Variants in PCDH11X observed in about 807,000 individuals in gnomAD.
PCDH11X encodes the protein protocadherin-11 X-linked.
PCDH11X carries 18 observed loss-of-function variants against 53.3 expected under a neutral mutation model. That is an observed-to-expected ratio of 0.34 (90% CI 0.23 to 0.50). The LOEUF (loss-of-function observed/expected upper bound fraction) is 0.50, where lower values mean the gene tolerates loss of function less well. PCDH11X is among the 20% of genes least tolerant of loss of function. The pLI is 0.98. For synonymous variants in PCDH11X, 279 were observed against 393.3 expected, an observed-to-expected ratio of 0.71 and a Z score of 3.44; for missense variants, 570 against 1,032.4, an observed-to-expected ratio of 0.55 and a Z score of 6.14.
chrX:92,505,152 C>CTTTTTTTTTTTTTTTTTTTTTTTTTT (rs58620449), intron 10 of PCDH11X, among the ~76,000 whole-genome samples: 2 of 64,274 alleles, frequency 3.1e-5, no homozygotes, highest in Admixed American at 1.9e-4. Flanking sequence ...TTTCTTTTTT[C>CTTTTTTTTTTTTTTTTTTTTTTTTTT]TTTTTTTTTT....
intron 6 of PCDH11X, among the ~76,000 whole-genome samples, chrX:91,984,035 C>T (rs1359211922): frequency 2.9e-5 from 3 of 103,323 alleles, no homozygotes; most frequent in Non-Finnish European, 5.9e-5. Context: ...TTTTTTACTA[C>T]AAAATATACA....
At chrX:92,166,039 T>A (rs1252327085) in intron 6 of PCDH11X, among the ~76,000 whole-genome samples, 1 of 111,670 alleles carries the variant, frequency 9.0e-6, no homozygotes, top group African/African-American at 3.2e-5. Flanking sequence ...TTACTTCTAT[T>A]GTGTAAACTT....
intron 8 of PCDH11X, among the ~76,000 whole-genome samples, chrX:92,311,102 T>C (rs2068940458): frequency 9.0e-6 from 1 of 111,515 alleles, no homozygotes; most frequent in African/African-American, 3.3e-5. Flanking sequence ...CTTTGATATA[T>C]AAAACATTTA....
intron 6 of PCDH11X, among the ~76,000 whole-genome samples, chrX:92,117,443 A>T (rs894363950): frequency 9.1e-6 from 1 of 109,975 alleles, no homozygotes; most frequent in Non-Finnish European, 1.9e-5. Flanking sequence ...TCTCAAAAAA[A>T]AAAAAAGTAA....
intron 10 of PCDH11X, among the ~76,000 whole-genome samples, chrX:92,557,411 A>G (rs1297816421): frequency 2.7e-5 from 3 of 110,273 alleles, no homozygotes; most frequent in Admixed American, 9.7e-5. Flanking sequence ...TCAAGTTCAA[A>G]GTTCCACAGA....
chrX:91,832,752 C>T (rs899456191), intron 4 of PCDH11X, among the ~76,000 whole-genome samples: 10 of 111,255 alleles, frequency 9.0e-5, no homozygotes, highest in Non-Finnish European at 1.3e-4. Context: ...AGAGATATTG[C>T]GACATGCATG....
intron 6 of PCDH11X, among the ~76,000 whole-genome samples, chrX:91,995,275 G>A (rs752709216): frequency 2.0e-4 from 22 of 109,635 alleles, no homozygotes; most frequent in African/African-American, 7.3e-4. Flanking sequence ...AAATGTCAAG[G>A]AGCTTTCCTC....
chrX:92,447,009 G>T (rs2072667573), intron 9 of PCDH11X, among the ~76,000 whole-genome samples: 1 of 111,513 alleles, frequency 9.0e-6, no homozygotes, highest in African/African-American at 3.3e-5. Flanking sequence ...CTTCTCTAAA[G>T]ATTTGTGGAA....
intron 10 of PCDH11X, among the ~76,000 whole-genome samples, chrX:92,471,853 C>T (rs902924580): frequency 1.1e-4 from 12 of 108,469 alleles, no homozygotes; most frequent in African/African-American, 4.0e-4. Flanking sequence ...ATTTCTCTAA[C>T]AATCAATGTT....
At chrX:91,966,986 C>T (rs1275435745) in intron 6 of PCDH11X, among the ~76,000 whole-genome samples, 4 of 86,261 alleles carry the variant, frequency 4.6e-5, no homozygotes, top group Non-Finnish European at 9.0e-5. Flanking sequence ...ACCCCCACCC[C>T]CCACCCCCCG....
At chrX:92,530,397 G>T (rs1367903483) in intron 10 of PCDH11X, among the ~76,000 whole-genome samples, 1 of 110,458 alleles carries the variant, frequency 9.1e-6, no homozygotes, top group Non-Finnish European at 1.9e-5. Flanking sequence ...TTATTTTACC[G>T]TTTATAAAAA....
rs1937264449 is a variant in PCDH11X at position 91,835,564 on chromosome X, C to T, written c.60C>T (p.His20=). 3.3e-6 allele frequency: 4 copies of T among 1,211,327 alleles called. No individual in the cohort carries two copies. Among genetic ancestry groups the T allele is most frequent in the East Asian group, 3.0e-5 (1 of 33,822 alleles). ...TCCTGCTAGCATGCGTGGTGTTCCA[C>T]TCTGGCGCCCAGGAGAAAAACTACA... ...FAVLLACVVF[H]SGAQEKNYTI... is the part of the protein sequence containing the mutation. The change falls in exon 5 of 11, where the codon CAC becomes CAT. Residue 20 remains histidine (H), a synonymous_variant. Transcript: ENST00000682573.
chrX:92,498,578 A>G (rs1051622478), intron 10 of PCDH11X, among the ~76,000 whole-genome samples: 4 of 110,646 alleles, frequency 3.6e-5, no homozygotes, highest in African/African-American at 6.6e-5. Context: ...TCAGGTTATT[A>G]TATTGGCCAT....
At chrX:92,160,872 G>A (rs111610873) in intron 6 of PCDH11X, among the ~76,000 whole-genome samples, 6,111 of 109,875 alleles carry the variant, frequency 0.056, 447 homozygotes, top group African/African-American at 0.19. Context: ...CCATTCTTGC[G>A]GGAGTAAGGT....
chrX:91,898,125 A>G (rs1940818512), intron 6 of PCDH11X, among the ~76,000 whole-genome samples: 2 of 111,175 alleles, frequency 1.8e-5, no homozygotes, highest in Admixed American at 1.9e-4. Context: ...AAAAATGTAC[A>G]TAGCACAGCA....
At chrX:92,273,174 C>T (rs926483103) in intron 8 of PCDH11X, among the ~76,000 whole-genome samples, 4 of 110,110 alleles carry the variant, frequency 3.6e-5, no homozygotes, top group Non-Finnish European at 7.6e-5. Flanking sequence ...GGGCTGAGTC[C>T]GAAAAGAGAG....
intron 8 of PCDH11X, among the ~76,000 whole-genome samples, chrX:92,318,772 T>C (rs1180127313): frequency 9.0e-6 from 1 of 111,330 alleles, no homozygotes; most frequent in African/African-American, 3.3e-5. Context: ...AAGAATACCA[T>C]CCAAGGTAAA....
At chrX:92,101,353 C>A (rs1418918098) in intron 6 of PCDH11X, among the ~76,000 whole-genome samples, 1 of 111,532 alleles carries the variant, frequency 9.0e-6, no homozygotes, top group African/African-American at 3.3e-5. Flanking sequence ...TGGGCTGTAC[C>A]TTGTAGCATT....
intron 8 of PCDH11X, among the ~76,000 whole-genome samples, chrX:92,282,396 A>G (rs1257920777): frequency 1.8e-5 from 2 of 111,515 alleles, no homozygotes; most frequent in East Asian, 5.6e-4. Context: ...TTTGAAAAAG[A>G]TGTAGAATTT....
Sources: gnomAD v4.1 joint callset for allele counts (sites outside exome capture counted in the v4.1 genomes callset) on GRCh38, gnomAD v4.1.1 for gene constraint, MANE v1.5 for transcripts, NCBI Gene and HGNC (gene_info 2026-07-23, HGNC 2026-07-21) for gene names.